The following CMSS1 variants were observed in gnomAD, a reference collection of about 807,000 sequenced individuals.
CMSS1 encodes the protein cms1 ribosomal small subunit homolog, also known as protein CMSS1.
Under a neutral mutation model 43.5 loss-of-function variants are expected in CMSS1, and 33 were observed. The ratio of observed to expected loss-of-function variants is 0.76; its 90% CI spans 0.57 to 1.01. The LOEUF is 1.01. Ranked by LOEUF, CMSS1 falls within the 50% of genes least tolerant of loss-of-function variation. The pLI is 0.00. For synonymous variants in CMSS1, 115 were observed against 117.2 expected (o/e 0.98, Z 0.12); for missense variants, 313 against 326.4 (o/e 0.96, Z 0.32).
intron 1 of CMSS1, among the ~76,000 whole-genome samples, chr3:100,116,198 TAATA>T (rs1367694981): frequency 3.9e-5 from 6 of 152,196 alleles, no homozygotes; most frequent in Admixed American, 6.6e-5. Flanking sequence ...CTTTTGCAGT[TAATA>T]AATATTTTGT....
intron 1 of CMSS1, among the ~76,000 whole-genome samples, chr3:99,943,436 G>A (rs925317697): frequency 6.6e-6 from 1 of 152,108 alleles, no homozygotes; most frequent in African/African-American, 2.4e-5. Context: ...GGGTATGGTG[G>A]CTCATGACTG....
intron 2 of CMSS1, among the ~76,000 whole-genome samples, chr3:100,150,652 A>G (rs921671927): frequency 1.3e-5 from 2 of 152,212 alleles, no homozygotes; most frequent in Non-Finnish European, 2.9e-5. Flanking sequence ...CCTCATCTCT[A>G]GCAACCATTT....
intron 1 of CMSS1, among the ~76,000 whole-genome samples, chr3:100,027,075 C>CT (rs1210310862): frequency 6.6e-6 from 1 of 152,134 alleles, no homozygotes; most frequent in African/African-American, 2.4e-5. Flanking sequence ...CATCCCTTTG[C>CT]TTAAATGTCA....
At chr3:99,952,582 A>G (rs1185132518) in intron 1 of CMSS1, among the ~76,000 whole-genome samples, 2 of 152,190 alleles carry the variant, frequency 1.3e-5, no homozygotes, top group Non-Finnish European at 2.9e-5. Context: ...TGGTGCTAGA[A>G]AACACTATGC....
chr3:99,850,372 T>C (rs1943615004), intron 1 of CMSS1: 1 of 1,613,066 alleles, frequency 6.2e-7, no homozygotes, highest in Non-Finnish European at 8.5e-7. Context: ...TTTGCTTTTG[T>C]TGAAAGCGTC....
chr3:99,893,495 G>A (rs934706513), intron 1 of CMSS1, among the ~76,000 whole-genome samples: 1 of 152,124 alleles, frequency 6.6e-6, no homozygotes, highest in African/African-American at 2.4e-5. Flanking sequence ...TAGGCATTTA[G>A]TAACAGTAAC....
chr3:99,916,435 T>TACACACAC (rs1491315247), intron 1 of CMSS1, among the ~76,000 whole-genome samples: 23 of 120,206 alleles, frequency 1.9e-4, no homozygotes, highest in African/African-American at 7.6e-4. Flanking sequence ...AATAACGGTT[T>TACACACAC]ATACACACAC....
chr3:100,147,203 C>T, intron 2 of CMSS1, 142 bp downstream of exon 2: 1 of 771,074 alleles, frequency 1.3e-6, no homozygotes, highest in Non-Finnish European at 1.9e-6. Flanking sequence ...TTTGAAAAGG[C>T]CATGGGCCAT....
At chr3:100,013,028 A>G (rs983568982) in intron 1 of CMSS1, among the ~76,000 whole-genome samples, 1 of 151,478 alleles carries the variant, frequency 6.6e-6, no homozygotes, top group Non-Finnish European at 1.5e-5. Flanking sequence ...CACCACACCC[A>G]GCCAATTTTT....
chr3:99,888,278 A>C (rs1374031136), intron 1 of CMSS1, among the ~76,000 whole-genome samples: 1 of 152,010 alleles, frequency 6.6e-6, no homozygotes, highest in Non-Finnish European at 1.5e-5. Context: ...AGGTGGGAGG[A>C]TCACTTGAAC....
At chr3:100,098,759 C>T (rs759809039) in intron 1 of CMSS1, among the ~76,000 whole-genome samples, 5 of 152,186 alleles carry the variant, frequency 3.3e-5, no homozygotes, top group Admixed American at 6.5e-5. Flanking sequence ...ACCATGAAAA[C>T]AAACCATTAG....
intron 1 of CMSS1, among the ~76,000 whole-genome samples, chr3:100,137,742 A>G (rs1173463076): frequency 1.3e-5 from 2 of 151,812 alleles, no homozygotes; most frequent in Non-Finnish European, 1.5e-5. Context: ...CTGTTTTTGT[A>G]TTTTTAGTAG....
intron 1 of CMSS1, among the ~76,000 whole-genome samples, chr3:100,086,653 A>T (rs1259680172): frequency 6.6e-6 from 1 of 152,156 alleles, no homozygotes; most frequent in East Asian, 1.9e-4. Context: ...GAGCCTCTTT[A>T]AATTTTTGAT....
chr3:99,927,979 C>G (rs1423608277), intron 1 of CMSS1, among the ~76,000 whole-genome samples: 1 of 152,106 alleles, frequency 6.6e-6, no homozygotes, highest in Non-Finnish European at 1.5e-5. Context: ...TAAATCACCT[C>G]TAGTTTACCC....
At chr3:99,940,693 A>G (rs1255644507) in intron 1 of CMSS1, among the ~76,000 whole-genome samples, 1 of 152,200 alleles carries the variant, frequency 6.6e-6, no homozygotes, top group African/African-American at 2.4e-5. Flanking sequence ...AGAGAACCCG[A>G]AATTTCCTAC....
intron 1 of CMSS1, among the ~76,000 whole-genome samples, chr3:100,100,260 A>G (rs1260685938): frequency 2.0e-5 from 3 of 152,158 alleles, no homozygotes; most frequent in Admixed American, 2.0e-4. Context: ...TGGACAAGAG[A>G]TAGAACAGGA....
chr3:100,069,909 T>TA (rs1559747083), intron 1 of CMSS1, among the ~76,000 whole-genome samples: 1 of 152,156 alleles, frequency 6.6e-6, no homozygotes, highest in Non-Finnish European at 1.5e-5. Flanking sequence ...GTTGGAAACT[T>TA]AAAAAAAGAA....
At chr3:99,950,912 G>T (rs1261856107) in intron 1 of CMSS1, among the ~76,000 whole-genome samples, 4 of 152,206 alleles carry the variant, frequency 2.6e-5, no homozygotes, top group Non-Finnish European at 5.9e-5. Flanking sequence ...GTAGTAGCTG[G>T]AGGGAGGGGA....
At chr3:100,045,190 C>A (rs909611167) in intron 1 of CMSS1, among the ~76,000 whole-genome samples, 2 of 152,196 alleles carry the variant, frequency 1.3e-5, no homozygotes, top group East Asian at 3.8e-4. Context: ...CCTCTCGAAG[C>A]CTTAGTTGTT....
Sources: gnomAD v4.1 joint callset for allele counts (sites outside exome capture counted in the v4.1 genomes callset) on GRCh38, gnomAD v4.1.1 for gene constraint, MANE v1.5 for transcripts, NCBI Gene and HGNC (gene_info 2026-07-23, HGNC 2026-07-21) for gene names.